Variants in KCTD1 observed in about 807,000 individuals in gnomAD.
The protein encoded by KCTD1 is potassium channel tetramerization domain containing 1.
Under a neutral mutation model 66.0 loss-of-function variants are expected in KCTD1, and 24 were observed. The observed-to-expected ratio is 0.36, with a 90% confidence interval of 0.26 to 0.51. The LOEUF is 0.51. Ranked by LOEUF, KCTD1 falls within the 20% of genes least tolerant of loss-of-function variation. The pLI, the probability that KCTD1 is intolerant of heterozygous loss-of-function variation, is 0.95. For missense variants in KCTD1, 943 were observed against 1,205.2 expected (o/e 0.78, Z 3.22); for synonymous variants, 511 against 517.2 (o/e 0.99, Z 0.16).
chr18:26,471,849 G>A (rs534249835), intron 3 of KCTD1, among the ~76,000 whole-genome samples: 2 of 152,316 alleles, frequency 1.3e-5, no homozygotes, highest in East Asian at 3.9e-4. Flanking sequence ...AGGGGTAAGA[G>A]TGGGAGGGGG....
At chr18:26,639,975 G>C (rs1987802014) in intron 1 of KCTD1, among the ~76,000 whole-genome samples, 1 of 152,180 alleles carries the variant, frequency 6.6e-6, no homozygotes, top group African/African-American at 2.4e-5. Flanking sequence ...GAACTGGGTT[G>C]TCAAAAGAGA....
chr18:26,491,557 A>G (rs1324950557), intron 2 of KCTD1, among the ~76,000 whole-genome samples: 1 of 152,316 alleles, frequency 6.6e-6, no homozygotes, highest in Admixed American at 6.5e-5. Flanking sequence ...CATTTATCCC[A>G]TTGCCCAGTC....
chr18:26,552,123 T>G (rs1985588404), upstream of KCTD1, among the ~76,000 whole-genome samples: 1 of 152,226 alleles, frequency 6.6e-6, no homozygotes, highest in Non-Finnish European at 1.5e-5. Context: ...TCTTTGTATA[T>G]TTGTGCTTCT....
intron 3 of KCTD1, among the ~76,000 whole-genome samples, chr18:26,475,194 C>T (rs1461442825): frequency 6.6e-6 from 1 of 152,176 alleles, no homozygotes; most frequent in Non-Finnish European, 1.5e-5. Flanking sequence ...CATTACCCAC[C>T]TTTACCATCA....
chr18:26,628,621 T>A (rs1324063509), intron 1 of KCTD1, among the ~76,000 whole-genome samples: 1 of 152,068 alleles, frequency 6.6e-6, no homozygotes, highest in Non-Finnish European at 1.5e-5. Flanking sequence ...GAAATCCCCC[T>A]TTTTTTGCCC....
intron 1 of KCTD1, among the ~76,000 whole-genome samples, chr18:26,512,393 G>A (rs544896234): frequency 4.6e-4 from 69 of 151,204 alleles, no homozygotes; most frequent in Non-Finnish European, 5.9e-4. Flanking sequence ...GTGAGCCACC[G>A]CACCTGGCCT....
chr18:26,583,263 G>A (rs1598951940), intron 1 of KCTD1, among the ~76,000 whole-genome samples: 1 of 151,538 alleles, frequency 6.6e-6, no homozygotes, highest in East Asian at 1.9e-4. Context: ...ATGTGGTGGC[G>A]GGCGCCTGTA....
intron 1 of KCTD1, among the ~76,000 whole-genome samples, chr18:26,597,132 C>T (rs919667014): frequency 6.6e-6 from 1 of 151,932 alleles, no homozygotes; most frequent in Non-Finnish European, 1.5e-5. Flanking sequence ...GGAGGACCTC[C>T]ATGTGGGAGG....
chr18:26,460,269 C>T (rs1197188858), intron 3 of KCTD1, among the ~76,000 whole-genome samples: 1 of 152,198 alleles, frequency 6.6e-6, no homozygotes. Context: ...AGGATTCACC[C>T]AAGACTTGTT....
intron 1 of KCTD1, among the ~76,000 whole-genome samples, chr18:26,567,574 G>A (rs773658637): frequency 2.7e-5 from 4 of 146,772 alleles, no homozygotes; most frequent in African/African-American, 7.6e-5. Context: ...TGCAACCTCC[G>A]CCTCCTGGAT....
chr18:26,519,159 C>T (rs924216263), intron 1 of KCTD1, among the ~76,000 whole-genome samples: 7 of 152,148 alleles, frequency 4.6e-5, no homozygotes, highest in South Asian at 2.1e-4. Flanking sequence ...TTTACATTTA[C>T]GCTTAAATCT....
Position 26,608,469 on chromosome 18 carries a change from T to A in KCTD1, c.-16+20678A>T, listed in dbSNP as rs549824555. Among the ~76,000 whole-genome samples, 17 of 152,308 alleles carry A rather than the reference T, an allele frequency of 1.1e-4. 1 individual carries two copies. The highest frequency in any genetic ancestry group is 3.4e-3 in the Middle Eastern group (1 of 294). On this transcript the variant is annotated intron_variant, in intron 1 of 4. Coordinates refer to the KCTD1 transcript ENST00000317932. ...AGCATCAGTTCTTAGTGCAAAATGA[T>A]GTTTGTGACAGAAAGAACCTGAAGA...
Position 26,532,261 on chromosome 18 carries a change from C to CTTTCTTTTTTTTTT in KCTD1, c.1809+14466_1809+14467insAAAAAAAAAAGAAA, listed in dbSNP as rs1394278500. Among the ~76,000 whole-genome samples the CTTTCTTTTTTTTTT allele has an allele frequency of 1.4e-4, 4 of 29,556 alleles. 1 individual carries two copies. Among genetic ancestry groups the CTTTCTTTTTTTTTT allele is most frequent in the African/African-American group, 2.6e-4 (4 of 15,372 alleles). 19.4% of individuals were successfully genotyped at this position (29,556 alleles called of 152,430 possible). On this transcript the variant is annotated intron_variant, in intron 1 of 4. Transcript: ENST00000580059. ...CTTTTTCTTTTTCTTTTCTTTCCTT[C>CTTTCTTTTTTTTTT]TTTTTTTTTTTTTTTTTTTTTTTTT... is the stretch of plus-strand genomic sequence containing the variant.
At chr18:26,568,711 ACT>A (rs1482707454) in intron 1 of KCTD1, among the ~76,000 whole-genome samples, 1 of 151,890 alleles carries the variant, frequency 6.6e-6, no homozygotes, top group South Asian at 2.1e-4. Flanking sequence ...CAAGGCCAAC[ACT>A]CTGTTTGCTT....
chr18:26,531,310 A>T (rs1258270367), intron 1 of KCTD1, among the ~76,000 whole-genome samples: 1 of 152,138 alleles, frequency 6.6e-6, no homozygotes, highest in Non-Finnish European at 1.5e-5. Flanking sequence ...TGGGCAACAT[A>T]GGGAGACCAT....
chr18:26,467,706 T>C (rs1343459778), intron 3 of KCTD1, among the ~76,000 whole-genome samples: 3 of 151,618 alleles, frequency 2.0e-5, no homozygotes, highest in Non-Finnish European at 2.9e-5. Flanking sequence ...TCCCAGCTAC[T>C]TGGGAGGCTG....
chr18:26,656,709 G>A (rs1988153039), intron 1 of KCTD1, among the ~76,000 whole-genome samples: 2 of 151,522 alleles, frequency 1.3e-5, no homozygotes, highest in East Asian at 2.0e-4. Context: ...CCTGCGAGAA[G>A]GGGGCGGCGG....
chr18:26,607,599 C>T (rs1987046169), intron 1 of KCTD1, among the ~76,000 whole-genome samples: 1 of 152,176 alleles, frequency 6.6e-6, no homozygotes, highest in African/African-American at 2.4e-5. Flanking sequence ...TATGTCACCA[C>T]TCACCCAAAT....
chr18:26,532,451 A>G (rs1984495967), intron 1 of KCTD1, among the ~76,000 whole-genome samples: 1 of 151,628 alleles, frequency 6.6e-6, no homozygotes, highest in African/African-American at 2.4e-5. Context: ...TTTTGTAGAG[A>G]TGGGGTCTCA....
Sources: allele counts gnomAD v4.1 joint callset (sites outside exome capture counted in the v4.1 genomes callset), GRCh38; gene constraint gnomAD v4.1.1; transcripts MANE v1.5; gene names NCBI Gene and HGNC (gene_info 2026-07-23, HGNC 2026-07-21).